FNTA: variants seen among roughly 807,000 people sequenced by gnomAD.
The protein encoded by FNTA is protein farnesyltransferase/geranylgeranyltransferase type-1 subunit alpha.
A neutral mutation model predicts 55.2 loss-of-function variants in FNTA; 27 were observed. The ratio of observed to expected loss-of-function variants is 0.49; its 90% CI spans 0.36 to 0.67. The LOEUF is 0.67. Among genes scored for constraint, FNTA ranks in the 30% least tolerant of loss-of-function variants. The probability of loss-of-function intolerance (pLI) is 0.00; values close to 1 mark genes in which losing one functional copy is unlikely to be tolerated. For synonymous variants in FNTA, 176 were observed against 170.7 expected (o/e 1.03, Z -0.24); for missense variants, 422 against 464.7 (o/e 0.91, Z 0.85).
chr8:43,067,082 T>C (rs1466656877), intron 3 of FNTA, among the ~76,000 whole-genome samples: 2 of 152,202 alleles, frequency 1.3e-5, no homozygotes, highest in Non-Finnish European at 2.9e-5. Context: ...ATTTCCACCC[T>C]TTAACTCACC....
chr8:43,085,093 T>G, intron 8 of FNTA, 67 bp from the exon 9 acceptor site: 1 of 1,337,814 alleles, frequency 7.5e-7, no homozygotes, highest in South Asian at 1.4e-5. Flanking sequence ...TAAATTGTAT[T>G]GGCTCAAAGG....
chr8:43,059,089 C>T lies in FNTA; in HGVS notation c.201-3C>T, dbSNP rs767096487. 3.1e-6 allele frequency: 5 copies of T among 1,607,400 alleles called. No individual in the cohort carries two copies. Among genetic ancestry groups the T allele is most frequent in the East Asian group, 2.2e-5 (1 of 44,590 alleles). On this transcript the variant is annotated splice_polypyrimidine_tract_variant and splice_region_variant and intron_variant, in intron 1 of 8. Coordinates refer to ENST00000302279, the MANE Select transcript of FNTA (RefSeq NM_002027.3). ...CCACTGGTTGGGGAATGTCTGTTTT[C>T]AGGGACAGAGCAGAATGGGCTGATA...
intron 7 of FNTA, among the ~76,000 whole-genome samples, 192 bp downstream of exon 7, chr8:43,083,372 C>T (rs1270797350): frequency 6.6e-6 from 1 of 152,142 alleles, no homozygotes; most frequent in Non-Finnish European, 1.5e-5. Context: ...TCCCAAGTAC[C>T]TACCAACACT....
Position 43,065,863 on chromosome 8 carries a change from T to A in FNTA, c.401+1648T>A, listed in dbSNP as rs547221420. Reference sequence around the variant, plus strand: ...AAATAATTTTTGGGATTTATACAATTAAAAATCATTAGTCTCCCTTCAACT... The same window carrying A: ...AAATAATTTTTGGGATTTATACAATAAAAAATCATTAGTCTCCCTTCAACT... On this transcript the variant is annotated intron_variant, in intron 3 of 8. Coordinates refer to ENST00000302279, the MANE Select transcript of FNTA (RefSeq NM_002027.3). Among the ~76,000 whole-genome samples the A allele has an allele frequency of 2.0e-5, 3 of 151,648 alleles. 1 individual carries two copies. Among genetic ancestry groups the A allele is most frequent in the African/African-American group, 4.9e-5 (2 of 40,934 alleles).
chr8:43,073,049 G>T lies in FNTA; in HGVS notation c.633+742G>T, dbSNP rs1219923411. On this transcript the variant is annotated intron_variant, in intron 5 of 8. Coordinates refer to ENST00000302279, the MANE Select transcript of FNTA (RefSeq NM_002027.3). ...AGAATAGTTGTAACTCCCACTCTGG[G>T]TATTTTATTTATTTTAAACAGTTCT... 4.6e-5 allele frequency among the ~76,000 whole-genome samples: 7 copies of T among 151,986 alleles called. No homozygotes were observed. The South Asian group carries it at 1.5e-3, about 32-fold the overall frequency.
chr8:43,058,309 AGAGCCTGTCTTATTAAT>A (rs1810457337), intron 1 of FNTA, among the ~76,000 whole-genome samples: 1 of 152,218 alleles, frequency 6.6e-6, no homozygotes. Context: ...GTCAGATTCC[AGAGCCTGTCTTATTAAT>A]GATCACCTGC....
At chr8:43,064,799 A>G (rs916409866) in intron 3 of FNTA, among the ~76,000 whole-genome samples, 4 of 150,794 alleles carry the variant, frequency 2.7e-5, no homozygotes, top group Admixed American at 6.6e-5. Context: ...CTTAACTGTT[A>G]TTATTTTTTC....
rs1810737965 is a variant in FNTA at position 43,069,543 on chromosome 8, T to C, written c.402-12T>C. On this transcript the variant is annotated splice_polypyrimidine_tract_variant and intron_variant, in intron 3 of 8. Coordinates refer to ENST00000302279, the MANE Select transcript of FNTA (RefSeq NM_002027.3). ...TAATAATGCGACTTTGGATGTTGTA[T>C]GTTTGCCCTAGGCATTTCCGGAGAG... The C allele has an allele frequency of 6.5e-7, 1 of 1,550,048 alleles. No homozygotes were observed. Among genetic ancestry groups the C allele is most frequent in the Non-Finnish European group, 8.9e-7 (1 of 1,122,804 alleles).
At chr8:43,063,325 C>T (rs1261345546) in intron 2 of FNTA, 1 of 455,932 alleles carries the variant, frequency 2.2e-6, no homozygotes, top group East Asian at 7.0e-5. Flanking sequence ...AAGTGATCTG[C>T]CTGCCTCAGT....
At chr8:43,070,525 A>G (rs1349198588) in intron 4 of FNTA, among the ~76,000 whole-genome samples, 1 of 152,192 alleles carries the variant, frequency 6.6e-6, no homozygotes, top group Non-Finnish European at 1.5e-5. Context: ...TAAAATTCTG[A>G]CATCACAGGC....
At chr8:43,071,564 C>T (rs1253740441) in intron 4 of FNTA, among the ~76,000 whole-genome samples, 2 of 151,882 alleles carry the variant, frequency 1.3e-5, no homozygotes, top group African/African-American at 4.8e-5. Flanking sequence ...CCCAGCTACT[C>T]GGGAGGCTGA....
At chr8:43,058,269 G>C (rs2130538345) in intron 1 of FNTA, among the ~76,000 whole-genome samples, 1 of 152,274 alleles carries the variant, frequency 6.6e-6, no homozygotes, top group Middle Eastern at 3.4e-3. Context: ...GCTATTAAGT[G>C]CTCCAGCCAA....
chr8:43,059,898 A>T (rs1356885242), intron 2 of FNTA, among the ~76,000 whole-genome samples: 2 of 152,246 alleles, frequency 1.3e-5, no homozygotes, highest in African/African-American at 4.8e-5. Context: ...ACTAAACTTA[A>T]TGATTAAGTG....
At chr8:43,083,330 A>T in intron 7 of FNTA, 150 bp downstream of exon 7, 1 of 534,062 alleles carries the variant, frequency 1.9e-6, no homozygotes, top group East Asian at 3.3e-5. Flanking sequence ...AGCATTATGG[A>T]AACTCTCTGG....
chr8:43,083,634 G>A (rs1811066551), intron 7 of FNTA, among the ~76,000 whole-genome samples: 1 of 152,172 alleles, frequency 6.6e-6, no homozygotes, highest in African/African-American at 2.4e-5. Flanking sequence ...GGCCACTGAC[G>A]TAACTAAGCT....
In FNTA at chr8:43,056,442, G is replaced by A. The variant is rs980938534; in HGVS notation, c.96G>A (p.Gln32=). The change falls in exon 1 of 9, where the codon CAG becomes CAA. Residue 32 remains glutamine, a synonymous_variant. Transcript: ENST00000302279. ...PPPQPHPPPP[Q]QQHKEEMAAE... ...CCCAGCCGCACCCACCGCCGCCCCA[G>A]CAGCAGCACAAGGAAGAGATGGCGG... 4 of 1,552,938 alleles carry A rather than the reference G, an allele frequency of 2.6e-6. No homozygotes were observed. The highest frequency in any genetic ancestry group is 3.5e-6 in the Non-Finnish European group (4 of 1,153,182).
chr8:43,064,307 T>C, intron 3 of FNTA, 92 bp downstream of exon 3: 1 of 806,406 alleles, frequency 1.2e-6, no homozygotes, highest in Non-Finnish European at 2.0e-6. Context: ...TTTTTTAAAC[T>C]GTACTTTATT....
chr8:43,083,240 T>G, intron 7 of FNTA, 60 bp downstream of exon 7: 1 of 918,856 alleles, frequency 1.1e-6, no homozygotes, highest in Non-Finnish European at 1.7e-6. Context: ...TGATGCATCA[T>G]GGAGTGTATT....
At chr8:43,074,902 C>A (rs1810875236) in intron 5 of FNTA, among the ~76,000 whole-genome samples, 1 of 152,144 alleles carries the variant, frequency 6.6e-6, no homozygotes, top group African/African-American at 2.4e-5. Context: ...CCACCTGTCC[C>A]ACATACCCAC....
Sources: allele counts gnomAD v4.1 joint callset (sites outside exome capture counted in the v4.1 genomes callset), GRCh38; gene constraint gnomAD v4.1.1; transcripts MANE v1.5; gene names NCBI Gene and HGNC (gene_info 2026-07-23, HGNC 2026-07-21).